OTOG: variants seen among roughly 807,000 people sequenced by gnomAD.
OTOG encodes the protein otogelin.
OTOG carries 296 observed loss-of-function variants against 313.8 expected under a neutral mutation model. The ratio of observed to expected loss-of-function variants is 0.94; its 90% CI spans 0.86 to 1.04. The LOEUF (loss-of-function observed/expected upper bound fraction) is 1.04, where lower values mean the gene tolerates loss of function less well. OTOG is among the 50% of genes least tolerant of loss of function. The pLI is 0.00. For missense variants in OTOG, 3,948 were observed against 3,840.1 expected (o/e 1.03, Z -0.74); for synonymous variants, 1,533 against 1,554.9 (o/e 0.99, Z 0.33).
intron 32 of OTOG, among the ~76,000 whole-genome samples, chr11:17,603,222 T>G (rs1439676269): frequency 6.6e-6 from 1 of 152,032 alleles, no homozygotes; most frequent in East Asian, 1.9e-4. Context: ...CAAGGAGGCC[T>G]GGGAGTGAGG....
intron 6 of OTOG, among the ~76,000 whole-genome samples, chr11:17,553,919 G>A (rs1172064902): frequency 2.0e-5 from 3 of 152,172 alleles, no homozygotes; most frequent in African/African-American, 7.2e-5. Context: ...GAGGAGAAAT[G>A]CCAAATGCTA....
intron 31 of OTOG, among the ~76,000 whole-genome samples, chr11:17,600,917 G>T (rs1368375562): frequency 1.3e-5 from 2 of 150,788 alleles, no homozygotes; most frequent in Admixed American, 1.3e-4. Flanking sequence ...GTCCGGGCCC[G>T]CCAGGTGTTG....
chr11:17,574,802 G>A lies in OTOG; in HGVS notation c.2376G>A (p.Glu792=). 2 of 1,550,654 alleles carry A rather than the reference G, an allele frequency of 1.3e-6. No homozygotes were observed. Among genetic ancestry groups the A allele is most frequent in the Non-Finnish European group, 1.7e-6 (2 of 1,146,974 alleles). ...GRTCQDLASP[E]ACGVDGGDDL... ...CCTGCCAGGACCTGGCCAGCCCTGAGGCCTGTGGGGTTGATGGTGGCGATG... is the reference window on the plus strand; with the variant it reads ...CCTGCCAGGACCTGGCCAGCCCTGAAGCCTGTGGGGTTGATGGTGGCGATG... Residue 792 remains glutamate (E), a synonymous_variant, in exon 20 of 56, where the codon GAG becomes GAA. Coordinates refer to ENST00000399397, the MANE Select transcript of OTOG (RefSeq NM_001292063.2).
chr11:17,631,958 C>A (rs1437356752), intron 41 of OTOG, 36 bp downstream of exon 41: 2 of 1,545,636 alleles, frequency 1.3e-6, no homozygotes, highest in Non-Finnish European at 8.7e-7. Flanking sequence ...GGGGACACCT[C>A]CTGGGCTGGC....
chr11:17,629,000 C>G (rs1319423312), intron 39 of OTOG, 133 bp from the exon 40 acceptor site: 2 of 880,898 alleles, frequency 2.3e-6, no homozygotes, highest in Non-Finnish European at 3.4e-6. Context: ...TGGCACATAG[C>G]AGATGCCTAA....
At chr11:17,635,509 C>A in intron 46 of OTOG, 101 bp from the exon 47 acceptor site, 1 of 868,932 alleles carries the variant, frequency 1.2e-6, no homozygotes, top group Admixed American at 2.0e-5. Flanking sequence ...TAGCTCCTGC[C>A]ACACCTGGGT....
At chr11:17,622,324 C>T (rs1365645559) in intron 39 of OTOG, among the ~76,000 whole-genome samples, 1 of 152,060 alleles carries the variant, frequency 6.6e-6, no homozygotes, top group Non-Finnish European at 1.5e-5. Flanking sequence ...AATCACATCA[C>T]GTAAAATGGG....
chr11:17,586,358 T>C, intron 23 of OTOG, 116 bp from the exon 24 acceptor site: 1 of 486,194 alleles, frequency 2.1e-6, no homozygotes, highest in Non-Finnish European at 3.4e-6. Flanking sequence ...AGTCAGTCTC[T>C]TCTAGGGTAA....
chr11:17,613,251 CTTTCTTTCTT>C (rs1565118992), intron 38 of OTOG, among the ~76,000 whole-genome samples: 132 of 123,044 alleles, frequency 1.1e-3, no homozygotes, highest in South Asian at 3.4e-3. Context: ...TTCTTTCTTT[CTTTCTTTCTT>C]TCTTTCTCTC....
In OTOG at chr11:17,609,913, C is replaced by A; in HGVS notation, c.4613C>A (p.Ala1538Glu). The change falls in exon 36 of 56, where the codon GCA becomes GAA. Residue 1538 changes from alanine (A) to glutamate (E), a missense_variant. By Grantham distance (107) the Ala-to-Glu change is moderately radical. Transcript: ENST00000399397. ...TTLQQPLELTASQLPAGPTES... is the reference protein window; with the variant it reads ...TTLQQPLELTESQLPAGPTES... The stretch of plus-strand genomic sequence containing the variant: ...CTGCAGCAGCCACTGGAGCTCACTG[C>A]ATCTCAACTCCCCGCCGGCCCCACG... 6.6e-7 allele frequency: 1 copy of A among 1,524,072 alleles called. No individual in the cohort carries two copies. The highest frequency in any genetic ancestry group is 1.3e-5 in the South Asian group (1 of 78,860). 94.4% of individuals were successfully genotyped at this position (1,524,072 alleles called of 1,614,324 possible). A position where few individuals can be genotyped will look rare whatever the true frequency, so the allele number is the denominator to read the frequency against.
chr11:17,568,132 C>T (rs1320383226), intron 15 of OTOG, among the ~76,000 whole-genome samples: 3 of 152,032 alleles, frequency 2.0e-5, no homozygotes, highest in Non-Finnish European at 4.4e-5. Flanking sequence ...TGGTCTCGAT[C>T]TCCTGACCTC....
chr11:17,595,909 A>G lies in OTOG; in HGVS notation c.3409-129A>G, dbSNP rs868521664. On this transcript the variant is annotated intron_variant, in intron 28 of 55. Transcript: ENST00000399397. ...ATAGGTCCCTTCTACACTCAAGGGGAGGAGATTTTACAAGGACCTGAATAT... is the reference window on the plus strand; with the variant it reads ...ATAGGTCCCTTCTACACTCAAGGGGGGGAGATTTTACAAGGACCTGAATAT... 9.4e-5 allele frequency: 64 copies of G among 683,642 alleles called. No homozygotes were observed. In the African/African-American group the frequency reaches 1.1e-3, roughly 12 times the overall value. 42.3% of individuals were successfully genotyped at this position (683,642 alleles called of 1,614,324 possible).
rs1214163261 is a variant in OTOG at position 17,611,400 on chromosome 11, G to A, written c.6100G>A (p.Ala2034Thr). ...LAEALATTTE[A>T]NTSTTCVPIA... is the part of the protein sequence containing the mutation. ...GGAGGCTTTGGCAACTACCACTGAG[G>A]CCAATACATCCACCACCTGTGTTGT... is the stretch of plus-strand genomic sequence containing the variant. Residue 2034 changes from alanine (A) to threonine (T), a missense_variant, in exon 36 of 56, where the codon GCC becomes ACC. Transcript: ENST00000399397. 3 of 1,533,480 alleles carry A rather than the reference G, an allele frequency of 2.0e-6. No individual in the cohort carries two copies. Among genetic ancestry groups the A allele is most frequent in the Admixed American group, 2.0e-5 (1 of 50,064 alleles). The allele number at this position is 1,533,480 out of a possible 1,614,324, so 95.0% of individuals were successfully genotyped here. A position where few individuals can be genotyped will look rare whatever the true frequency, so the allele number is the denominator to read the frequency against.
intron 40 of OTOG, among the ~76,000 whole-genome samples, chr11:17,629,841 C>T (rs1211374552): frequency 6.6e-6 from 1 of 152,190 alleles, no homozygotes; most frequent in African/African-American, 2.4e-5. Flanking sequence ...AATGTATTCT[C>T]ATAAGGAAAA....
At chr11:17,614,447 C>T (rs1434964383) in intron 39 of OTOG, among the ~76,000 whole-genome samples, 1 of 152,142 alleles carries the variant, frequency 6.6e-6, no homozygotes, top group African/African-American at 2.4e-5. Flanking sequence ...AAAAAATTAA[C>T]ATATAATCTA....
chr11:17,580,428 C>T (rs1164894916), intron 23 of OTOG, among the ~76,000 whole-genome samples: 1 of 152,216 alleles, frequency 6.6e-6, no homozygotes, highest in African/African-American at 2.4e-5. Context: ...AATAACCTCC[C>T]TGAGGGGTCC....
intron 49 of OTOG, among the ~76,000 whole-genome samples, chr11:17,640,427 C>G (rs1167460921): frequency 1.3e-5 from 2 of 152,242 alleles, no homozygotes; most frequent in African/African-American, 4.8e-5. Context: ...CCCACCCCAG[C>G]ACACATTTCC....
chr11:17,600,490 C>T (rs1853222471), intron 31 of OTOG, among the ~76,000 whole-genome samples: 2 of 152,194 alleles, frequency 1.3e-5, no homozygotes, highest in Non-Finnish European at 2.9e-5. Context: ...ACTTTTTGTC[C>T]TCAGTTGCCT....
intron 15 of OTOG, among the ~76,000 whole-genome samples, chr11:17,562,901 C>T (rs1852219865): frequency 6.6e-6 from 1 of 152,272 alleles, no homozygotes; most frequent in Non-Finnish European, 1.5e-5. Context: ...AGACATGGCT[C>T]CACCTCCCTG....
Sources: gnomAD v4.1 joint callset for allele counts (sites outside exome capture counted in the v4.1 genomes callset) on GRCh38, gnomAD v4.1.1 for gene constraint, MANE v1.5 for transcripts, NCBI Gene and HGNC (gene_info 2026-07-23, HGNC 2026-07-21) for gene names.